FOXP2: variants seen among roughly 807,000 people sequenced by gnomAD.
FOXP2 encodes forkhead box P2.
In FOXP2, 12 loss-of-function variants were observed where a neutral mutation model predicts 115.8. That is an observed-to-expected ratio of 0.10 (90% confidence interval 0.07 to 0.17). The LOEUF (loss-of-function observed/expected upper bound fraction) is 0.17, where lower values mean the gene tolerates loss of function less well. Among genes scored for constraint, FOXP2 ranks in the 10% least tolerant of loss-of-function variants. The pLI, the probability that FOXP2 is intolerant of heterozygous loss-of-function variation, is 1.00. For synonymous variants in FOXP2, 328 were observed against 297.7 expected, an observed-to-expected ratio of 1.10 and a Z score of -1.05; for missense variants, 629 against 843.5, an observed-to-expected ratio of 0.75 and a Z score of 3.15.
intron 2 of FOXP2, among the ~76,000 whole-genome samples, chr7:114,391,191 A>G (rs1042599212): frequency 9.5e-5 from 13 of 137,188 alleles, no homozygotes; most frequent in Non-Finnish European, 9.4e-5. Context: ...CCATCTCAGG[A>G]AAAAAAAAAA....
chr7:114,202,315 T>G, intron 1 of FOXP2, among the ~76,000 whole-genome samples: 1 of 152,226 alleles, frequency 6.6e-6, no homozygotes, highest in East Asian at 1.9e-4. Context: ...TAGTTCCTTC[T>G]ATGTGCAAGT....
At chr7:114,099,175 C>A (rs894029842) in intron 1 of FOXP2, among the ~76,000 whole-genome samples, 1 of 151,982 alleles carries the variant, frequency 6.6e-6, no homozygotes, top group Non-Finnish European at 1.5e-5. Context: ...ACTCATACAA[C>A]TCAACAGTAG....
intron 2 of FOXP2, among the ~76,000 whole-genome samples, chr7:114,365,673 T>G (rs1791859656): frequency 6.6e-6 from 1 of 152,114 alleles, no homozygotes; most frequent in African/African-American, 2.4e-5. Context: ...CTAAGATTTT[T>G]TAAGTTGTTT....
In FOXP2 at chr7:114,131,825, G is replaced by A. The variant is rs182265830; in HGVS notation, c.-246-31119G>A. On this transcript the variant is annotated intron_variant, in intron 1 of 19. Transcript: ENST00000635638. ...ACAGTGAAGAAATCATTCACATAGGGTAGTTATATTAGTCTTTTTTTGTAA... is the reference window on the plus strand; with the variant it reads ...ACAGTGAAGAAATCATTCACATAGGATAGTTATATTAGTCTTTTTTTGTAA... 9.2e-5 allele frequency among the ~76,000 whole-genome samples: 14 copies of A among 152,214 alleles called. No individual in the cohort carries two copies. The East Asian group carries it at 2.5e-3, about 27-fold the overall frequency.
chr7:114,634,173 A>C (rs992759229), intron 6 of FOXP2, among the ~76,000 whole-genome samples: 3 of 151,968 alleles, frequency 2.0e-5, no homozygotes, highest in African/African-American at 7.3e-5. Context: ...TTTTCATATT[A>C]TTAGTAGAGA....
intron 2 of FOXP2, among the ~76,000 whole-genome samples, chr7:114,350,623 T>C (rs538379649): frequency 2.0e-5 from 3 of 152,214 alleles, no homozygotes; most frequent in African/African-American, 7.2e-5. Context: ...AAATATATAG[T>C]TGCCTCTAAT....
At chr7:114,270,412 G>T (rs1796006674) in intron 1 of FOXP2, among the ~76,000 whole-genome samples, 1 of 152,108 alleles carries the variant, frequency 6.6e-6, no homozygotes, top group Non-Finnish European at 1.5e-5. Flanking sequence ...CTTTCAAAGT[G>T]GCCATGCAAT....
chr7:114,276,211 T>A (rs971740475), intron 1 of FOXP2, among the ~76,000 whole-genome samples: 41 of 152,034 alleles, frequency 2.7e-4, no homozygotes, highest in Non-Finnish European at 8.8e-5. Context: ...CAGGCTGGAG[T>A]GAATTGGTGT....
intron 3 of FOXP2, among the ~76,000 whole-genome samples, chr7:114,576,318 G>A (rs1480367793): frequency 1.3e-5 from 2 of 151,752 alleles, no homozygotes; most frequent in African/African-American, 4.8e-5. Context: ...CCTCTCAGCT[G>A]GAATGTAAGC....
At chr7:114,419,963 G>A (rs906437383) in intron 1 of FOXP2, 1 of 151,920 alleles carries the variant, frequency 6.6e-6, no homozygotes, top group Non-Finnish European at 1.5e-5. Context: ...GGTCTGCTGA[G>A]GAGCAGTATT....
chr7:114,247,316 A>G (rs1028802473), intron 1 of FOXP2, among the ~76,000 whole-genome samples: 1 of 152,204 alleles, frequency 6.6e-6, no homozygotes, highest in African/African-American at 2.4e-5. Flanking sequence ...CTGCCTATTA[A>G]TACATATCTC....
chr7:114,187,362 G>A (rs1242425665), intron 1 of FOXP2, among the ~76,000 whole-genome samples: 1 of 152,042 alleles, frequency 6.6e-6, no homozygotes, highest in East Asian at 1.9e-4. Flanking sequence ...TTTAAGTTCT[G>A]CCCTCCATAA....
chr7:114,086,479 C>A (rs778053968), upstream of FOXP2: 15 of 349,622 alleles, frequency 4.3e-5, no homozygotes, highest in Admixed American at 1.8e-4. Context: ...TCGGCCCCCC[C>A]CCTCCCCGGG....
chr7:114,127,122 G>A (rs1167331214), intron 1 of FOXP2, among the ~76,000 whole-genome samples: 1 of 152,136 alleles, frequency 6.6e-6, no homozygotes, highest in Non-Finnish European at 1.5e-5. Context: ...TTCCTTGTGG[G>A]TTATTGGACT....
intron 1 of FOXP2, among the ~76,000 whole-genome samples, chr7:114,264,301 C>G (rs1795840355): frequency 6.7e-6 from 1 of 149,706 alleles, no homozygotes. Flanking sequence ...AGGTCATTCA[C>G]AAAAATAGAA....
chr7:114,207,186 T>C (rs1354278875), intron 1 of FOXP2, among the ~76,000 whole-genome samples: 1 of 152,222 alleles, frequency 6.6e-6, no homozygotes, highest in Non-Finnish European at 1.5e-5. Context: ...TTGGGTATGC[T>C]AGTTTTTATT....
At chr7:114,521,328 C>T (rs139041750) in intron 2 of FOXP2, among the ~76,000 whole-genome samples, 70 of 151,678 alleles carry the variant, frequency 4.6e-4, no homozygotes, top group East Asian at 5.8e-4. Flanking sequence ...TTTCTAGACC[C>T]ATGCTTAAAA....
intron 16 of FOXP2, among the ~76,000 whole-genome samples, chr7:114,675,807 A>G (rs1327515146): frequency 9.9e-5 from 15 of 152,100 alleles, no homozygotes; most frequent in Non-Finnish European, 4.4e-5. Flanking sequence ...CTATTTTGAT[A>G]TTTTTAAATG....
intron 1 of FOXP2, among the ~76,000 whole-genome samples, chr7:114,223,727 C>T (rs943925932): frequency 7.9e-5 from 12 of 151,162 alleles, no homozygotes; most frequent in Non-Finnish European, 1.6e-4. Context: ...CATCATGCCT[C>T]TGCCACCGTA....
Sources: gnomAD v4.1 joint callset for allele counts (sites outside exome capture counted in the v4.1 genomes callset) on GRCh38, gnomAD v4.1.1 for gene constraint, MANE v1.5 for transcripts, NCBI Gene and HGNC (gene_info 2026-07-23, HGNC 2026-07-21) for gene names.